Variants in PCDH15 observed in about 807,000 individuals in gnomAD.
PCDH15 encodes protocadherin related 15.
PCDH15 carries 129 observed loss-of-function variants against 178.5 expected under a neutral mutation model. The observed-to-expected ratio is 0.72, with a 90% CI of 0.63 to 0.84. The LOEUF is 0.84. Among genes scored for constraint, PCDH15 ranks in the 40% least tolerant of loss-of-function variants. The pLI is 0.00. For missense variants in PCDH15, 2,230 were observed against 2,099.9 expected (o/e 1.06, Z -1.21); for synonymous variants, 800 against 732.0 (o/e 1.09, Z -1.50).
intron 1 of PCDH15, among the ~76,000 whole-genome samples, chr10:55,252,106 T>C (rs1841853021): frequency 1.3e-5 from 2 of 152,210 alleles, no homozygotes; most frequent in African/African-American, 4.8e-5. Context: ...TAAAAAATTA[T>C]TCAGATTTAT....
chr10:54,103,369 T>G (rs528522377), intron 15 of PCDH15, among the ~76,000 whole-genome samples: 1 of 152,298 alleles, frequency 6.6e-6, no homozygotes, highest in Non-Finnish European at 1.5e-5. Flanking sequence ...CACCTTGCCT[T>G]TGATGGTTGA....
intron 8 of PCDH15, among the ~76,000 whole-genome samples, chr10:54,281,193 C>A (rs2058685499): frequency 6.6e-6 from 1 of 151,794 alleles, no homozygotes; most frequent in Non-Finnish European, 1.5e-5. Context: ...CTGTTCCCAA[C>A]TTGGGGAGAT....
intron 15 of PCDH15, among the ~76,000 whole-genome samples, chr10:54,108,236 A>G (rs1428880730): frequency 6.6e-6 from 1 of 152,176 alleles, no homozygotes; most frequent in Non-Finnish European, 1.5e-5. Flanking sequence ...TGATGAGGAT[A>G]GGAAAGAAAG....
At chr10:54,940,064 T>C (rs1186867722) in intron 2 of PCDH15, among the ~76,000 whole-genome samples, 1 of 152,188 alleles carries the variant, frequency 6.6e-6, no homozygotes, top group Non-Finnish European at 1.5e-5. Context: ...TTTCCTACCA[T>C]GTGTTGGCTT....
At chr10:53,898,072 A>T (rs200909260) in intron 26 of PCDH15, among the ~76,000 whole-genome samples, 20,248 of 58,242 alleles carry the variant, frequency 0.35, 1,563 homozygotes, top group East Asian at 0.55. Context: ...GTTCATGCCA[A>T]TCTCCTGCCT....
At chr10:53,863,723 T>C (rs1375308591) in intron 27 of PCDH15, among the ~76,000 whole-genome samples, 6 of 152,084 alleles carry the variant, frequency 3.9e-5, no homozygotes, top group African/African-American at 1.4e-4. Flanking sequence ...AAGGAGGAAA[T>C]TTATATTAAT....
chr10:55,193,148 G>A (rs1033562594), intron 1 of PCDH15, among the ~76,000 whole-genome samples: 5 of 151,752 alleles, frequency 3.3e-5, no homozygotes, highest in Non-Finnish European at 5.9e-5. Context: ...TAATTTTGAT[G>A]TGTCATGCAG....
rs183298012 is a variant in PCDH15 at position 55,201,054 on chromosome 10, C to T, written c.-155-34403G>A. Among the ~76,000 whole-genome samples the T allele has an allele frequency of 3.9e-5, 6 of 152,180 alleles. No homozygotes were observed. In the East Asian group the frequency reaches 9.7e-4, roughly 25 times the overall value. ...GACCTAGGTATGATATACTTCATTT[C>T]GTATCCTTAGTATAGTGACTGGTTG... On this transcript the variant is annotated intron_variant, in intron 1 of 5. Coordinates refer to the PCDH15 transcript ENST00000458638.
chr10:53,911,769 C>T (rs947759302), intron 25 of PCDH15, among the ~76,000 whole-genome samples: 1 of 152,052 alleles, frequency 6.6e-6, no homozygotes, highest in Non-Finnish European at 1.5e-5. Context: ...CTGAATAGAC[C>T]AATAACAGGC....
chr10:55,403,805 G>A (rs11004834), intron 2 of PCDH15, among the ~76,000 whole-genome samples: 30,289 of 151,822 alleles, frequency 0.2, 4,000 homozygotes, highest in Non-Finnish European at 0.29. Context: ...TCTGTTTGAC[G>A]TTCAAGATGA....
rs149761618 is a variant in PCDH15 at position 55,470,492 on chromosome 10, T to C, written c.-156+157133A>G. Among the ~76,000 whole-genome samples the C allele has an allele frequency of 3.0e-3, 457 of 152,328 alleles. 3 individuals are homozygous for C. The highest frequency in any genetic ancestry group is 0.01 in the African/African-American group (432 of 41,564). On this transcript the variant is annotated intron_variant, in intron 2 of 5. Coordinates refer to the PCDH15 transcript ENST00000613346. ...GTAATTTATTATCATGATAGTTTGA[T>C]TAGTATACTTTGATAACAGTTTTTT... is the stretch of plus-strand genomic sequence containing the variant.
chr10:55,222,697 T>C (rs1840910984), intron 1 of PCDH15, among the ~76,000 whole-genome samples: 1 of 125,064 alleles, frequency 8.0e-6, no homozygotes, highest in African/African-American at 3.3e-5. Context: ...GTAATGATAA[T>C]TTTATATCTT....
chr10:53,882,937 A>C (rs11592139), intron 26 of PCDH15, among the ~76,000 whole-genome samples: 47,215 of 152,012 alleles, frequency 0.31, 9,326 homozygotes, highest in Middle Eastern at 0.55. Context: ...AATACCATTA[A>C]ATGCAAATGG....
At chr10:54,773,440 A>G (rs1334392869) in intron 1 of PCDH15, among the ~76,000 whole-genome samples, 3 of 152,246 alleles carry the variant, frequency 2.0e-5, no homozygotes, top group Admixed American at 6.5e-5. Flanking sequence ...TTCACAAATC[A>G]GGTACAGCTA....
At chr10:55,096,735 T>C (rs150041073) in intron 2 of PCDH15, among the ~76,000 whole-genome samples, 2 of 152,232 alleles carry the variant, frequency 1.3e-5, no homozygotes, top group East Asian at 3.9e-4. Context: ...TAATGCAGTA[T>C]TTGTCTTTCT....
At position 54,378,961 on chromosome 10, in the gene PCDH15, T is replaced by C. The variant is rs1948838298; in HGVS notation, c.158-19A>G. ...ATTGTACCTGCAAACCAAAGAAAGG[T>C]ACTTGAAAACATATTCTACTCATAT... On this transcript the variant is annotated intron_variant, in intron 3 of 37. Coordinates refer to ENST00000644397, the MANE Select transcript of PCDH15 (RefSeq NM_001384140.1). 1.2e-6 allele frequency: 2 copies of C among 1,613,100 alleles called. No individual in the cohort carries two copies. The highest frequency in any genetic ancestry group is 1.7e-6 in the Non-Finnish European group (2 of 1,179,510).
At chr10:53,945,732 A>C (rs1182661322) in intron 23 of PCDH15, among the ~76,000 whole-genome samples, 1 of 151,476 alleles carries the variant, frequency 6.6e-6, no homozygotes, top group Non-Finnish European at 1.5e-5. Context: ...GATTTGAGAC[A>C]AATGAACGTA....
At chr10:55,349,745 A>G (rs967182360) in intron 2 of PCDH15, among the ~76,000 whole-genome samples, 4 of 152,100 alleles carry the variant, frequency 2.6e-5, no homozygotes, top group African/African-American at 9.6e-5. Flanking sequence ...TCATTATCCT[A>G]TTGTAAGATA....
At position 54,974,358 on chromosome 10, in the gene PCDH15, T is replaced by C. The variant is rs373776169; in HGVS notation, c.-79-76858A>G. Among the ~76,000 whole-genome samples, 7 of 152,146 alleles carry C rather than the reference T, an allele frequency of 4.6e-5. No individual in the cohort carries two copies. The East Asian group carries it at 7.7e-4, about 17-fold the overall frequency. ...CAAATAATGTAATATACATGATATA[T>C]GTATGCATATAATTTAGCATACTAT... On this transcript the variant is annotated intron_variant, in intron 2 of 5. Transcript: ENST00000458638.
Sources: gnomAD v4.1 joint callset for allele counts (sites outside exome capture counted in the v4.1 genomes callset) on GRCh38, gnomAD v4.1.1 for gene constraint, MANE v1.5 for transcripts, NCBI Gene and HGNC (gene_info 2026-07-23, HGNC 2026-07-21) for gene names.